The following SLCO1C1 variants were observed in gnomAD, a reference collection of about 807,000 sequenced individuals.
SLCO1C1 encodes OAT-RP-5.
Under a neutral mutation model 76.4 loss-of-function variants are expected in SLCO1C1, and 70 were observed. That is an observed-to-expected ratio of 0.92 (90% CI 0.76 to 1.12). The LOEUF is 1.12. SLCO1C1 is among the 50% of genes most tolerant of loss of function. SLCO1C1 has a pLI of 0.00. For missense variants in SLCO1C1, 912 were observed against 823.8 expected, an observed-to-expected ratio of 1.11 and a Z score of -1.31; for synonymous variants, 306 against 286.1, an observed-to-expected ratio of 1.07 and a Z score of -0.70.
At chr12:20,711,711 C>T (rs1947112766) in intron 5 of SLCO1C1, among the ~76,000 whole-genome samples, 2 of 151,606 alleles carry the variant, frequency 1.3e-5, no homozygotes, top group Admixed American at 6.6e-5. Flanking sequence ...ATGATCAAAT[C>T]TTATGGAAAA....
intron 12 of SLCO1C1, among the ~76,000 whole-genome samples, chr12:20,740,781 T>TATATATATATATATATA: frequency 6.0e-5 from 1 of 16,802 alleles, no homozygotes; most frequent in Non-Finnish European, 1.6e-4. Flanking sequence ...TTAGAATTTA[T>TATATATATATATATATA]TTTATTTATA....
intron 9 of SLCO1C1, among the ~76,000 whole-genome samples, chr12:20,725,756 C>G (rs926736409): frequency 1.3e-5 from 2 of 151,294 alleles, no homozygotes; most frequent in Non-Finnish European, 2.9e-5. Context: ...ATTTATACTC[C>G]TATTAGAAAC....
In SLCO1C1 at chr12:20,723,158, G is replaced by C. The variant is rs1344863977; in HGVS notation, c.1090G>C (p.Val364Leu). The change falls in exon 9 of 15, where the codon GTT becomes CTT. Residue 364 changes from valine (V) to leucine (L), a missense_variant. By Grantham distance (32) the Val-to-Leu change is conservative (BLOSUM62 1). Coordinates refer to ENST00000266509, the MANE Select transcript of SLCO1C1 (RefSeq NM_017435.5). Reference protein sequence around the residue: ...VYFLYLCTSTVQFNSLFGMVT... With the variant: ...VYFLYLCTSTLQFNSLFGMVT... Reference sequence around the variant, plus strand: ...CTTCCTATATTTATGTACAAGCACTGTTCAGTTCAATTCTCTGTTCGGCAT... The same window carrying C: ...CTTCCTATATTTATGTACAAGCACTCTTCAGTTCAATTCTCTGTTCGGCAT... 6.2e-7 allele frequency: 1 copy of C among 1,614,070 alleles called. No individual in the cohort carries two copies. Among genetic ancestry groups the C allele is most frequent in the Non-Finnish European group, 8.5e-7 (1 of 1,179,982 alleles).
intron 9 of SLCO1C1, among the ~76,000 whole-genome samples, chr12:20,725,697 A>G (rs895386734): frequency 6.6e-6 from 1 of 150,832 alleles, no homozygotes; most frequent in African/African-American, 2.4e-5. Flanking sequence ...GAGGGAGAAT[A>G]TGTGTTTAAA....
intron 2 of SLCO1C1, among the ~76,000 whole-genome samples, chr12:20,700,681 C>T (rs978875182): frequency 6.6e-6 from 1 of 151,664 alleles, no homozygotes; most frequent in Admixed American, 6.6e-5. Context: ...ATTCACTCAA[C>T]AAATCTCTGC....
rs1011498245 is a variant in SLCO1C1 at position 20,695,522 on chromosome 12, G to A, written c.-311G>A. 1.3e-5 allele frequency: 2 copies of A among 152,204 alleles called. No homozygotes were observed. Among genetic ancestry groups the A allele is most frequent in the Admixed American group, 6.6e-5 (1 of 15,262 alleles). 9.4% of individuals were successfully genotyped at this position (152,204 alleles called of 1,614,324 possible). A position where few individuals can be genotyped will look rare whatever the true frequency, so the allele number is the denominator to read the frequency against. On this transcript the variant is annotated 5_prime_UTR_variant, in exon 1 of 15. Coordinates refer to ENST00000266509, the MANE Select transcript of SLCO1C1 (RefSeq NM_017435.5). Reference sequence around the variant, plus strand: ...CTGTGCCCTGGGAGCTGAGATGCACGTCAGTGGCCTTGCCAGCGTGGCCAA... The same window carrying A: ...CTGTGCCCTGGGAGCTGAGATGCACATCAGTGGCCTTGCCAGCGTGGCCAA...
intron 13 of SLCO1C1, among the ~76,000 whole-genome samples, chr12:20,745,329 C>A (rs573392645): frequency 6.6e-6 from 1 of 152,076 alleles, no homozygotes; most frequent in Non-Finnish European, 1.5e-5. Flanking sequence ...AATAAGCATA[C>A]ATGAAAAACT....
intron 11 of SLCO1C1, among the ~76,000 whole-genome samples, chr12:20,738,668 T>G (rs1368561263): frequency 6.6e-6 from 1 of 152,186 alleles, no homozygotes; most frequent in Non-Finnish European, 1.5e-5. Context: ...TTATTTTTGC[T>G]CACAGCTGCA....
At chr12:20,709,733 T>C (rs1336034895) in intron 4 of SLCO1C1, among the ~76,000 whole-genome samples, 3 of 50,082 alleles carry the variant, frequency 6.0e-5, no homozygotes, top group Admixed American at 1.5e-4. Context: ...TACAAAAAAT[T>C]AGCCGGGCGC....
chr12:20,705,126 T>C (rs74065173), intron 3 of SLCO1C1, among the ~76,000 whole-genome samples: 6,497 of 151,982 alleles, frequency 0.043, 235 homozygotes, highest in African/African-American at 0.091. Context: ...GCGTGAGAAA[T>C]ATTACTTGAA....
intron 10 of SLCO1C1, 117 bp from the exon 11 acceptor site, chr12:20,736,989 TA>T: frequency 2.2e-6 from 2 of 891,626 alleles, no homozygotes; most frequent in Non-Finnish European, 3.1e-6. Context: ...ACTGTGTTTC[TA>T]AAAGGCAAAT....
intron 5 of SLCO1C1, among the ~76,000 whole-genome samples, chr12:20,712,615 A>G (rs1947167250): frequency 6.6e-6 from 1 of 152,208 alleles, no homozygotes; most frequent in Admixed American, 6.5e-5. Flanking sequence ...TACAGGCAGA[A>G]TGGAAGCCTT....
intron 7 of SLCO1C1, among the ~76,000 whole-genome samples, chr12:20,721,050 G>A (rs1208684463): frequency 6.6e-6 from 1 of 151,470 alleles, no homozygotes; most frequent in African/African-American, 2.4e-5. Context: ...GCTTCTTGTG[G>A]ATGAACAAAG....
chr12:20,720,148 A>G (rs1947584821), intron 7 of SLCO1C1, among the ~76,000 whole-genome samples: 1 of 152,178 alleles, frequency 6.6e-6, no homozygotes, highest in Non-Finnish European at 1.5e-5. Context: ...TTTTTGCAGC[A>G]TGGTTTACTA....
intron 13 of SLCO1C1, among the ~76,000 whole-genome samples, chr12:20,744,228 G>A (rs975612803): frequency 6.6e-6 from 1 of 152,014 alleles, no homozygotes. Flanking sequence ...CATATATTGA[G>A]CCTGTAGTAT....
intron 14 of SLCO1C1, chr12:20,750,997 C>A: frequency 2.1e-6 from 2 of 966,950 alleles, no homozygotes; most frequent in Non-Finnish European, 3.0e-6. Flanking sequence ...TACCTTGACC[C>A]CCATTTTAAA....
chr12:20,736,254 A>C (rs1251709348), intron 10 of SLCO1C1, among the ~76,000 whole-genome samples: 1 of 136,058 alleles, frequency 7.3e-6, no homozygotes, highest in Non-Finnish European at 1.7e-5. Flanking sequence ...TATAAAAGCG[A>C]ATGGCAGAGA....
intron 13 of SLCO1C1, among the ~76,000 whole-genome samples, chr12:20,746,601 T>C (rs1414424700): frequency 1.3e-5 from 2 of 152,184 alleles, no homozygotes; most frequent in Non-Finnish European, 2.9e-5. Flanking sequence ...ATCTTAGCAT[T>C]ACTAAGAGTG....
chr12:20,726,878 A>G (rs1411804410), intron 9 of SLCO1C1, among the ~76,000 whole-genome samples: 1 of 152,132 alleles, frequency 6.6e-6, no homozygotes, highest in Non-Finnish European at 1.5e-5. Context: ...CCTCTCCAGT[A>G]GTTCCCATTG....
Sources: allele counts gnomAD v4.1 joint callset (sites outside exome capture counted in the v4.1 genomes callset), GRCh38; gene constraint gnomAD v4.1.1; transcripts MANE v1.5; gene names NCBI Gene and HGNC (gene_info 2026-07-23, HGNC 2026-07-21).